CFHR5: variants seen among roughly 807,000 people sequenced by gnomAD.
CFHR5 encodes the protein complement factor H-related protein 5.
Under a neutral mutation model 62.9 loss-of-function variants are expected in CFHR5, and 73 were observed. That is an observed-to-expected ratio of 1.16 (90% CI 0.96 to 1.41). CFHR5 has a LOEUF of 1.41. Among genes scored for constraint, CFHR5 ranks in the 40% most tolerant of loss-of-function variants. The pLI, the probability that CFHR5 is intolerant of heterozygous loss-of-function variation, is 0.00. For synonymous variants in CFHR5, 249 were observed against 227.2 expected, an observed-to-expected ratio of 1.10 and a Z score of -0.86; for missense variants, 779 against 679.9, an observed-to-expected ratio of 1.15 and a Z score of -1.62.
In CFHR5 at chr1:196,996,139, T is replaced by C. The variant is rs1653985875; in HGVS notation, c.908T>C (p.Met303Thr). The C allele has an allele frequency of 1.2e-6, 2 of 1,613,384 alleles. No homozygotes were observed. Among genetic ancestry groups the C allele is most frequent in the African/African-American group, 2.7e-5 (2 of 74,876 alleles). ...GTGAATTGCAGAAATGAATATGCAA[T>C]GATTGGAAATAACATGATTACCTGT... ...VEVNCRNEYA[M>T]IGNNMITCIN... The change falls in exon 6 of 10, where the codon ATG becomes ACG. Residue 303 changes from methionine to threonine, a missense_variant. Physicochemically the swap from Met to Thr is moderately conservative, Grantham distance 81. Transcript: ENST00000256785.
At position 197,008,590 on chromosome 1, in the gene CFHR5, C is replaced by G. The variant is rs1365783573; in HGVS notation, c.1617C>G (p.Phe539Leu). The G allele has an allele frequency of 1.9e-6, 3 of 1,613,374 alleles. No homozygotes were observed. Among genetic ancestry groups the G allele is most frequent in the African/African-American group, 1.3e-5 (1 of 74,866 alleles). Residue 539 changes from phenylalanine (F) to leucine (L), a missense_variant, in exon 10 of 10, where the codon TTC becomes TTG. Transcript: ENST00000256785. ...CAAAAACAGGGGATGCTGTTGAATTCCAGTGTAAATTCCCACATAAAGCGA... is the reference window on the plus strand; with the variant it reads ...CAAAAACAGGGGATGCTGTTGAATTGCAGTGTAAATTCCCACATAAAGCGA... ...LYAKTGDAVE[F>L]QCKFPHKAMI...
chr1:197,008,006 AATAT>A (rs1280518405), intron 9 of CFHR5, among the ~76,000 whole-genome samples: 7 of 147,820 alleles, frequency 4.7e-5, no homozygotes, highest in Non-Finnish European at 7.4e-5. Flanking sequence ...GATATATATA[AATAT>A]ATATATAAAG....
In CFHR5 at chr1:196,982,838, G is replaced by T. The variant is rs200939665; in HGVS notation, c.59-47G>T. 2.0e-5 allele frequency: 31 copies of T among 1,518,808 alleles called. No individual in the cohort carries two copies. The East Asian group carries it at 6.3e-4, about 31-fold the overall frequency. 94.1% of individuals were successfully genotyped at this position (1,518,808 alleles called of 1,614,324 possible). Reference sequence around the variant, plus strand: ...CTAAAATATAATCTAGTGATTCATCGATGTAGCTCTTTATTTAATTCTTCA... The same window carrying T: ...CTAAAATATAATCTAGTGATTCATCTATGTAGCTCTTTATTTAATTCTTCA... On this transcript the variant is annotated intron_variant, in intron 1 of 9. Coordinates refer to ENST00000256785, the MANE Select transcript of CFHR5 (RefSeq NM_030787.4).
In CFHR5 at chr1:197,004,687, C is replaced by T. The variant is rs184883943; in HGVS notation, c.1357C>T (p.Pro453Ser). ...VESTAYCGPP[P>S]SINNGDTTSF... Reference sequence around the variant, plus strand: ...GTCTACTGCATATTGTGGGCCCCCTCCATCTATTAACAATGGAGATACCAC... The same window carrying T: ...GTCTACTGCATATTGTGGGCCCCCTTCATCTATTAACAATGGAGATACCAC... Residue 453 changes from proline (P) to serine (S), a missense_variant, in exon 9 of 10, where the codon CCA becomes TCA. Coordinates refer to ENST00000256785, the MANE Select transcript of CFHR5 (RefSeq NM_030787.4). 8.1e-5 allele frequency: 131 copies of T among 1,613,578 alleles called. No homozygotes were observed. In the East Asian group the frequency reaches 2.9e-3, roughly 35 times the overall value.
intron 1 of CFHR5, among the ~76,000 whole-genome samples, chr1:196,978,719 G>A (rs1268408165): frequency 6.6e-6 from 1 of 152,108 alleles, no homozygotes; most frequent in Non-Finnish European, 1.5e-5. Flanking sequence ...AATCACAAGA[G>A]TGCGATTGCA....
At chr1:196,999,691 A>ATC (rs1654081924) in intron 7 of CFHR5, among the ~76,000 whole-genome samples, 1 of 33,044 alleles carries the variant, frequency 3.0e-5, no homozygotes, top group South Asian at 1.3e-3. Context: ...AAGTATATAT[A>ATC]TATATATATA....
chr1:196,999,749 A>ACC (rs1289556234), intron 7 of CFHR5, among the ~76,000 whole-genome samples: 3 of 139,914 alleles, frequency 2.1e-5, no homozygotes, highest in Non-Finnish European at 3.1e-5. Context: ...ATATACACAC[A>ACC]CATATGTATA....
intron 3 of CFHR5, among the ~76,000 whole-genome samples, chr1:196,991,562 C>G (rs781574226): frequency 1.3e-5 from 2 of 152,016 alleles, no homozygotes; most frequent in Non-Finnish European, 2.9e-5. Context: ...TGTGGATGTC[C>G]TTTTTGTGGA....
chr1:196,998,114 A>G lies in CFHR5; in HGVS notation c.971-14A>G. On this transcript the variant is annotated splice_polypyrimidine_tract_variant and intron_variant, in intron 6 of 9. Coordinates refer to ENST00000256785, the MANE Select transcript of CFHR5 (RefSeq NM_030787.4). ...CATAATTGTTTAGTTTCTATTTAATATTATTTTTTATAGCAACACACCAAC... is the reference window on the plus strand; with the variant it reads ...CATAATTGTTTAGTTTCTATTTAATGTTATTTTTTATAGCAACACACCAAC... 6.9e-7 allele frequency: 1 copy of G among 1,450,582 alleles called. No individual in the cohort carries two copies. The allele number at this position is 1,450,582 out of a possible 1,614,324, so 89.9% of individuals were successfully genotyped here. A position where few individuals can be genotyped will look rare whatever the true frequency, so the allele number is the denominator to read the frequency against.
chr1:196,999,683 GTATA>G (rs35191504), intron 7 of CFHR5, among the ~76,000 whole-genome samples: 47,907 of 110,774 alleles, frequency 0.43, 10,554 homozygotes, highest in Non-Finnish European at 0.49. Context: ...TTGGGAAAAA[GTATA>G]TATATATATA....
At chr1:196,975,959 G>A (rs953867348), upstream of CFHR5, among the ~76,000 whole-genome samples, 1 of 152,136 alleles carries the variant, frequency 6.6e-6, no homozygotes, top group African/African-American at 2.4e-5. Context: ...GATGTGGTGG[G>A]AAGAGAGAAA....
rs552166236 is a variant in CFHR5 at position 196,994,282 on chromosome 1, A to G, written c.607+26A>G. The G allele has an allele frequency of 2.7e-5, 43 of 1,573,434 alleles. No homozygotes were observed. In the South Asian group the frequency reaches 4.5e-4, roughly 16 times the overall value. ...GTCAGTATTTATTTTAGAAGTGATGAAACAAGAATTTGATTTTTATAATAA... is the reference window on the plus strand; with the variant it reads ...GTCAGTATTTATTTTAGAAGTGATGGAACAAGAATTTGATTTTTATAATAA... On this transcript the variant is annotated intron_variant, in intron 4 of 9. Transcript: ENST00000256785.
intron 3 of CFHR5, among the ~76,000 whole-genome samples, chr1:196,988,896 G>A (rs891250064): frequency 2.6e-5 from 4 of 152,124 alleles, no homozygotes; most frequent in African/African-American, 9.7e-5. Flanking sequence ...AAATGAGTTA[G>A]GGAGTATTCA....
At chr1:196,986,476 C>T (rs550437085) in intron 3 of CFHR5, among the ~76,000 whole-genome samples, 5 of 152,046 alleles carry the variant, frequency 3.3e-5, no homozygotes, top group African/African-American at 1.2e-4. Context: ...CCCATTAACT[C>T]GTGATTTACA....
intron 3 of CFHR5, among the ~76,000 whole-genome samples, chr1:196,985,488 A>T (rs975987296): frequency 2.0e-5 from 3 of 151,580 alleles, no homozygotes; most frequent in African/African-American, 7.3e-5. Context: ...CATTATTAAC[A>T]TTTGCAAAAA....
At chr1:196,995,392 T>C (rs1653962582) in intron 4 of CFHR5, among the ~76,000 whole-genome samples, 1 of 152,144 alleles carries the variant, frequency 6.6e-6, no homozygotes, top group African/African-American at 2.4e-5. Context: ...GACTAAAATT[T>C]CACTGTCATT....
chr1:196,991,097 C>A (rs1653836771), intron 3 of CFHR5, among the ~76,000 whole-genome samples: 1 of 152,100 alleles, frequency 6.6e-6, no homozygotes, highest in African/African-American at 2.4e-5. Flanking sequence ...TTTCTTCTCT[C>A]TTTATTTCAT....
intron 8 of CFHR5, among the ~76,000 whole-genome samples, chr1:197,003,807 T>G (rs539627442): frequency 6.6e-6 from 1 of 152,188 alleles, no homozygotes. Context: ...AGTGAAATTT[T>G]ACCTTATTGA....
intron 7 of CFHR5, among the ~76,000 whole-genome samples, chr1:197,001,098 T>G (rs1486125659): frequency 6.6e-6 from 1 of 152,192 alleles, no homozygotes; most frequent in Non-Finnish European, 1.5e-5. Flanking sequence ...ACTGGTCTTG[T>G]TAATGGTTGA....
Sources: allele counts gnomAD v4.1 joint callset (sites outside exome capture counted in the v4.1 genomes callset), GRCh38; gene constraint gnomAD v4.1.1; transcripts MANE v1.5; gene names NCBI Gene and HGNC (gene_info 2026-07-23, HGNC 2026-07-21).